The following DNAH8 variants were observed in gnomAD, a reference collection of about 807,000 sequenced individuals.
DNAH8 encodes the protein dynein axonemal heavy chain 8.
A neutral mutation model predicts 562.1 loss-of-function variants in DNAH8; 382 were observed. The ratio of observed to expected loss-of-function variants is 0.68; its 90% CI spans 0.63 to 0.74. DNAH8 has a LOEUF of 0.74. Ranked by LOEUF, DNAH8 falls within the 30% of genes least tolerant of loss-of-function variation. The pLI is 0.00. For synonymous variants in DNAH8, 1,881 were observed against 1,919.4 expected (o/e 0.98, Z 0.52); for missense variants, 5,203 against 5,620.4 (o/e 0.93, Z 2.37).
intron 7 of DNAH8, 90 bp from the exon 8 acceptor site, chr6:38,741,621 A>G: frequency 1.8e-6 from 2 of 1,116,178 alleles, no homozygotes; most frequent in Non-Finnish European, 2.5e-6. Flanking sequence ...AACATTATTT[A>G]TACTTTCAGC....
At chr6:38,882,563 G>T (rs1778578812) in intron 53 of DNAH8, among the ~76,000 whole-genome samples, 1 of 152,174 alleles carries the variant, frequency 6.6e-6, no homozygotes, top group Non-Finnish European at 1.5e-5. Flanking sequence ...CCTACTTGAG[G>T]GTTGGGGGTG....
At chr6:38,859,957 G>C (rs551992901) in intron 42 of DNAH8, among the ~76,000 whole-genome samples, 1 of 152,252 alleles carries the variant, frequency 6.6e-6, no homozygotes, top group African/African-American at 2.4e-5. Context: ...GATGCCCCTA[G>C]CTGTACTGAC....
intron 19 of DNAH8, 92 bp from the exon 20 acceptor site, chr6:38,790,197 T>C: frequency 1.3e-6 from 1 of 780,914 alleles, no homozygotes; most frequent in Non-Finnish European, 2.2e-6. Flanking sequence ...TAAGAAAATA[T>C]AACATATAAT....
rs551331301 is a variant in DNAH8 at position 38,789,343 on chromosome 6, G to T, written c.2584-460G>T. ...AAAATAGTAAAAAATTGATCATCAT[G>T]GATCATCTCTAAAACAACATCTAAG... On this transcript the variant is annotated intron_variant, in intron 18 of 92. Coordinates refer to ENST00000327475, the MANE Select transcript of DNAH8 (RefSeq NM_001206927.2). 1.1e-4 allele frequency among the ~76,000 whole-genome samples: 16 copies of T among 152,222 alleles called. 1 individual carries two copies. In the South Asian group the frequency reaches 3.3e-3, roughly 32 times the overall value.
chr6:38,803,576 C>T (rs1373996938), intron 22 of DNAH8, among the ~76,000 whole-genome samples: 1 of 147,064 alleles, frequency 6.8e-6, no homozygotes, highest in East Asian at 2.0e-4. Flanking sequence ...GGATAGCAGT[C>T]TCAGGCCTGC....
chr6:38,984,434 A>G (rs1764235076), intron 87 of DNAH8, 127 bp downstream of exon 87: 1 of 665,720 alleles, frequency 1.5e-6, no homozygotes, highest in South Asian at 1.7e-5. Context: ...GCCAAGAAAC[A>G]AATGCATGTG....
intron 85 of DNAH8, 85 bp from the exon 86 acceptor site, chr6:38,982,260 AT>A: frequency 1.5e-6 from 1 of 652,028 alleles, no homozygotes; most frequent in Non-Finnish European, 2.8e-6. Flanking sequence ...TATTTTGATA[AT>A]ATAGCCTTAA....
chr6:38,956,413 T>C (rs1762247816), intron 82 of DNAH8, among the ~76,000 whole-genome samples: 2 of 152,212 alleles, frequency 1.3e-5, no homozygotes, highest in Admixed American at 1.3e-4. Context: ...TTCCTCCTGC[T>C]GTAGTCAGGA....
chr6:38,762,951 A>G (rs1253250856), intron 11 of DNAH8: 1 of 320,626 alleles, frequency 3.1e-6, no homozygotes, highest in Non-Finnish European at 6.0e-6. Flanking sequence ...AAAACAGTTG[A>G]TCCCAAGGAC....
At chr6:39,022,054 T>C (rs1252895985) in intron 91 of DNAH8, among the ~76,000 whole-genome samples, 4 of 152,344 alleles carry the variant, frequency 2.6e-5, no homozygotes, top group Non-Finnish European at 4.4e-5. Context: ...ACTTTAGACC[T>C]GAGTTTCCAA....
chr6:38,909,464 G>A, intron 64 of DNAH8, 54 bp from the exon 65 acceptor site: 2 of 1,534,732 alleles, frequency 1.3e-6, no homozygotes, highest in Non-Finnish European at 1.8e-6. Context: ...TCTCTCTCTG[G>A]CTGACTTATA....
At chr6:38,800,490 G>A (rs1261212270) in intron 21 of DNAH8, among the ~76,000 whole-genome samples, 1 of 152,066 alleles carries the variant, frequency 6.6e-6, no homozygotes, top group African/African-American at 2.4e-5. Context: ...TTCCCTATTA[G>A]CTAGTGATGT....
intron 21 of DNAH8, 118 bp from the exon 22 acceptor site, chr6:38,803,061 C>G (rs1451877153): frequency 1.4e-6 from 1 of 717,318 alleles, no homozygotes; most frequent in Admixed American, 3.7e-5. Context: ...TCAGCTATCT[C>G]TAGCTTTTTT....
At position 38,982,436 on chromosome 6, in the gene DNAH8, C is replaced by T. The variant is rs762367572; in HGVS notation, c.12925C>T (p.His4309Tyr). The change falls in exon 86 of 93, where the codon CAC (histidine) becomes TAC (tyrosine). Residue 4309 changes from histidine to tyrosine, a missense_variant. By Grantham distance (83) the His-to-Tyr change is moderately conservative. Transcript: ENST00000327475. ...AGCCAGTGTTCAGTTTATTCAGAAT[C>T]ACCTTGATGAATGCGATATTAAGAA... ...FSASVQFIQN[H>Y]LDECDIKKGV... is the part of the protein sequence containing the mutation. 1 of 1,573,172 alleles carries T rather than the reference C, an allele frequency of 6.4e-7. No individual in the cohort carries two copies. The highest frequency in any genetic ancestry group is 8.7e-7 in the Non-Finnish European group (1 of 1,142,960).
At chr6:38,839,948 C>A (rs1384222310) in intron 33 of DNAH8, among the ~76,000 whole-genome samples, 2 of 152,046 alleles carry the variant, frequency 1.3e-5, no homozygotes, top group Admixed American at 1.3e-4. Context: ...AGGTGTGGGC[C>A]ACCATGTCCG....
intron 70 of DNAH8, 151 bp downstream of exon 70, chr6:38,918,291 G>T: frequency 1.8e-6 from 1 of 562,928 alleles, no homozygotes. Flanking sequence ...TCCTCTCAAA[G>T]TTTCTCCTTC....
At chr6:39,007,905 TAC>T (rs753265974) in intron 88 of DNAH8, among the ~76,000 whole-genome samples, 6 of 149,020 alleles carry the variant, frequency 4.0e-5, no homozygotes, top group Non-Finnish European at 8.9e-5. Flanking sequence ...CACAAACACA[TAC>T]ACACACACAG....
intron 70 of DNAH8, among the ~76,000 whole-genome samples, chr6:38,918,459 T>A (rs112195526): frequency 0.017 from 2,541 of 152,190 alleles, 70 homozygotes; most frequent in African/African-American, 0.057. Context: ...GGTTTGGAGG[T>A]TGAATTTGAT....
At chr6:38,900,866 G>T (rs1043178849) in intron 62 of DNAH8, among the ~76,000 whole-genome samples, 1 of 152,034 alleles carries the variant, frequency 6.6e-6, no homozygotes, top group African/African-American at 2.4e-5. Context: ...ATCAACCCGC[G>T]TCGGCCTCCC....
Sources: gnomAD v4.1 joint callset for allele counts (sites outside exome capture counted in the v4.1 genomes callset) on GRCh38, gnomAD v4.1.1 for gene constraint, MANE v1.5 for transcripts, NCBI Gene and HGNC (gene_info 2026-07-23, HGNC 2026-07-21) for gene names.